STXBP5L: variants seen among roughly 807,000 people sequenced by gnomAD.
STXBP5L encodes syntaxin binding protein 5L, also known as syntaxin-binding protein 5-like.
STXBP5L carries 65 observed loss-of-function variants against 144.5 expected under a neutral mutation model. The observed-to-expected ratio is 0.45, with a 90% confidence interval of 0.37 to 0.55. The LOEUF (loss-of-function observed/expected upper bound fraction) is 0.55. Among genes scored for constraint, STXBP5L ranks in the 20% least tolerant of loss-of-function variants. STXBP5L has a pLI of 0.00. For synonymous variants in STXBP5L, 505 were observed against 469.6 expected, an observed-to-expected ratio of 1.08 and a Z score of -0.97; for missense variants, 1,298 against 1,405.5, an observed-to-expected ratio of 0.92 and a Z score of 1.22.
intron 9 of STXBP5L, among the ~76,000 whole-genome samples, chr3:121,183,589 G>A (rs990183983): frequency 2.2e-4 from 32 of 144,056 alleles, no homozygotes; most frequent in Non-Finnish European, 3.9e-4. Context: ...TTGAAAGAAA[G>A]GAAGAAAGAA....
At chr3:121,175,065 G>A (rs2046879988) in intron 9 of STXBP5L, among the ~76,000 whole-genome samples, 1 of 152,096 alleles carries the variant, frequency 6.6e-6, no homozygotes. Context: ...TGTGTTCACA[G>A]TACAAATAAG....
At chr3:121,148,553 T>G (rs776614810) in intron 7 of STXBP5L, among the ~76,000 whole-genome samples, 1 of 152,116 alleles carries the variant, frequency 6.6e-6, no homozygotes, top group South Asian at 2.1e-4. Flanking sequence ...TTTTTCCTCC[T>G]GAAATGATAA....
chr3:121,369,987 G>T (rs1342130646), intron 20 of STXBP5L, among the ~76,000 whole-genome samples: 1 of 152,156 alleles, frequency 6.6e-6, no homozygotes, highest in Non-Finnish European at 1.5e-5. Context: ...TGGAGGAGGG[G>T]CCTGATCGGC....
chr3:121,201,947 G>A (rs1301950509), intron 9 of STXBP5L, among the ~76,000 whole-genome samples: 4 of 152,104 alleles, frequency 2.6e-5, no homozygotes, highest in Non-Finnish European at 5.9e-5. Flanking sequence ...GTAAGGACAG[G>A]GTTTCACCAT....
chr3:121,067,449 G>A (rs575551293), intron 5 of STXBP5L, among the ~76,000 whole-genome samples: 84 of 152,158 alleles, frequency 5.5e-4, no homozygotes, highest in Middle Eastern at 3.4e-3. Flanking sequence ...TCTATCTCTT[G>A]TTAGTAAAAA....
intron 7 of STXBP5L, among the ~76,000 whole-genome samples, chr3:121,124,648 T>C (rs1171204915): frequency 1.3e-5 from 2 of 152,084 alleles, no homozygotes; most frequent in African/African-American, 2.4e-5. Context: ...AGTTGCATCA[T>C]TGAATGTTTT....
chr3:121,006,849 A>C (rs183242242), intron 3 of STXBP5L, among the ~76,000 whole-genome samples: 50 of 151,984 alleles, frequency 3.3e-4, no homozygotes, highest in East Asian at 1.2e-3. Context: ...GTTGAAAATT[A>C]TTTTCTTTAA....
chr3:120,977,732 C>G (rs1034649602), intron 3 of STXBP5L, among the ~76,000 whole-genome samples: 3 of 152,112 alleles, frequency 2.0e-5, no homozygotes, highest in Non-Finnish European at 4.4e-5. Flanking sequence ...TCTTTTAGGG[C>G]AGGCCTGGTG....
At chr3:121,132,823 G>A (rs1449007580) in intron 7 of STXBP5L, among the ~76,000 whole-genome samples, 1 of 151,662 alleles carries the variant, frequency 6.6e-6, no homozygotes, top group Non-Finnish European at 1.5e-5. Context: ...TGGAGCTGAA[G>A]AACACAATAA....
chr3:121,104,431 C>T (rs2043587862), intron 5 of STXBP5L, among the ~76,000 whole-genome samples: 1 of 152,052 alleles, frequency 6.6e-6, no homozygotes, highest in African/African-American at 2.4e-5. Flanking sequence ...AAAGAGCCTG[C>T]ATAACCAAAG....
intron 5 of STXBP5L, among the ~76,000 whole-genome samples, chr3:121,075,845 T>A (rs1455364769): frequency 6.6e-6 from 1 of 152,248 alleles, no homozygotes; most frequent in African/African-American, 2.4e-5. Flanking sequence ...GCATACTGCC[T>A]GATATCTCCT....
intron 3 of STXBP5L, among the ~76,000 whole-genome samples, chr3:120,983,394 G>A (rs961684975): frequency 1.6e-4 from 25 of 152,246 alleles, no homozygotes; most frequent in African/African-American, 5.8e-4. Context: ...AGCAGTGGTG[G>A]TGGTATCTGT....
intron 5 of STXBP5L, among the ~76,000 whole-genome samples, chr3:121,049,459 T>C (rs1297919445): frequency 6.6e-6 from 1 of 152,098 alleles, no homozygotes; most frequent in Non-Finnish European, 1.5e-5. Flanking sequence ...GGTGGCTGCC[T>C]TTTACTGAGT....
At chr3:121,297,527 G>A (rs1193845367) in intron 19 of STXBP5L, among the ~76,000 whole-genome samples, 3 of 152,272 alleles carry the variant, frequency 2.0e-5, no homozygotes, top group East Asian at 1.9e-4. Flanking sequence ...GCAGAGGTGG[G>A]CAGATCACCT....
chr3:121,149,807 G>C (rs1298113620), intron 7 of STXBP5L, among the ~76,000 whole-genome samples: 6 of 151,882 alleles, frequency 4.0e-5, no homozygotes, highest in African/African-American at 1.4e-4. Flanking sequence ...ATAAATAAAA[G>C]GTGGTATCCT....
intron 5 of STXBP5L, among the ~76,000 whole-genome samples, chr3:121,109,703 G>T (rs540444227): frequency 6.6e-6 from 1 of 152,166 alleles, no homozygotes; most frequent in Non-Finnish European, 1.5e-5. Context: ...TGCTGTTTTT[G>T]GATAGAGAGT....
chr3:121,390,072 A>G (rs2046538070), intron 22 of STXBP5L, among the ~76,000 whole-genome samples: 1 of 152,124 alleles, frequency 6.6e-6, no homozygotes, highest in Non-Finnish European at 1.5e-5. Flanking sequence ...GGGTGCTCCC[A>G]TATTGGGTTC....
At chr3:121,222,775 T>C (rs2049011452) in intron 10 of STXBP5L, among the ~76,000 whole-genome samples, 1 of 152,158 alleles carries the variant, frequency 6.6e-6, no homozygotes, top group Admixed American at 6.6e-5. Context: ...CCTACCCCAA[T>C]ATGTTTAGAC....
chr3:121,084,730 A>T (rs1348355189), intron 5 of STXBP5L, among the ~76,000 whole-genome samples: 1 of 152,146 alleles, frequency 6.6e-6, no homozygotes, highest in East Asian at 1.9e-4. Flanking sequence ...CCCAGTAATG[A>T]GATTGCTGGG....
Sources: gnomAD v4.1 joint callset for allele counts (sites outside exome capture counted in the v4.1 genomes callset) on GRCh38, gnomAD v4.1.1 for gene constraint, MANE v1.5 for transcripts, NCBI Gene and HGNC (gene_info 2026-07-23, HGNC 2026-07-21) for gene names.